ROBO1: variants seen among roughly 807,000 people sequenced by gnomAD.
The protein encoded by ROBO1 is roundabout homolog 1.
ROBO1 carries 149 observed loss-of-function variants against 195.9 expected under a neutral mutation model. The observed-to-expected ratio is 0.76, with a 90% CI of 0.67 to 0.87. The LOEUF (loss-of-function observed/expected upper bound fraction) is 0.87, where lower values mean the gene tolerates loss of function less well. Ranked by LOEUF, ROBO1 falls within the 40% of genes least tolerant of loss-of-function variation. The probability of loss-of-function intolerance (pLI) is 0.00; values close to 1 mark genes in which losing one functional copy is unlikely to be tolerated. For missense variants in ROBO1, 1,933 were observed against 2,068.3 expected (o/e 0.93, Z 1.27); for synonymous variants, 816 against 733.2 (o/e 1.11, Z -1.82).
chr3:79,753,377 T>TAAA (rs1704224769), intron 1 of ROBO1, among the ~76,000 whole-genome samples: 1 of 152,126 alleles, frequency 6.6e-6, no homozygotes. Context: ...AGAAGTCTTT[T>TAAA]AATGTTAAGA....
chr3:78,927,047 A>G (rs1299390796), intron 4 of ROBO1, among the ~76,000 whole-genome samples: 2 of 152,230 alleles, frequency 1.3e-5, no homozygotes, highest in Non-Finnish European at 2.9e-5. Context: ...CCATTATAAA[A>G]AGCAAAGTTT....
At chr3:79,074,443 G>C (rs1254431827) in intron 3 of ROBO1, among the ~76,000 whole-genome samples, 1 of 151,844 alleles carries the variant, frequency 6.6e-6, no homozygotes, top group East Asian at 1.9e-4. Flanking sequence ...GTTTGTTTTT[G>C]AGATGGGGTT....
At chr3:79,364,127 C>T (rs2035872979) in intron 2 of ROBO1, among the ~76,000 whole-genome samples, 1 of 151,772 alleles carries the variant, frequency 6.6e-6, no homozygotes, top group Admixed American at 6.6e-5. Flanking sequence ...TGGCGTGAAC[C>T]CGGGAGGCGG....
At chr3:79,687,386 A>T (rs1057288168) in intron 1 of ROBO1, among the ~76,000 whole-genome samples, 3 of 152,176 alleles carry the variant, frequency 2.0e-5, no homozygotes, top group African/African-American at 7.2e-5. Context: ...ATCTAATTAA[A>T]CTAAAGAACG....
At chr3:79,435,449 G>C (rs1202429560) in intron 2 of ROBO1, among the ~76,000 whole-genome samples, 1 of 152,060 alleles carries the variant, frequency 6.6e-6, no homozygotes, top group Non-Finnish European at 1.5e-5. Context: ...AATCTGCACT[G>C]TATGCACGTT....
At chr3:78,846,681 G>A (rs1442198909) in intron 4 of ROBO1, among the ~76,000 whole-genome samples, 2 of 151,814 alleles carry the variant, frequency 1.3e-5, no homozygotes, top group Non-Finnish European at 2.9e-5. Flanking sequence ...TTTATAATTG[G>A]TCTATATAGA....
intron 1 of ROBO1, among the ~76,000 whole-genome samples, chr3:79,715,524 C>G (rs995291361): frequency 2.6e-5 from 4 of 152,068 alleles, no homozygotes; most frequent in Non-Finnish European, 5.9e-5. Context: ...AGAAATAATG[C>G]TCTTGCACAT....
chr3:79,441,967 T>C (rs1269160686), intron 2 of ROBO1, among the ~76,000 whole-genome samples: 1 of 152,066 alleles, frequency 6.6e-6, no homozygotes, highest in Non-Finnish European at 1.5e-5. Flanking sequence ...AAGTAAGTTA[T>C]ATTGATTTCT....
intron 1 of ROBO1, among the ~76,000 whole-genome samples, chr3:79,748,042 C>CA (rs942193076): frequency 4.7e-4 from 70 of 148,468 alleles, no homozygotes; most frequent in African/African-American, 9.6e-4. Flanking sequence ...GTTCAGTAAC[C>CA]AAAAAAAAAT....
intron 8 of ROBO1, among the ~76,000 whole-genome samples, chr3:78,707,593 C>T (rs932807699): frequency 6.6e-6 from 1 of 152,130 alleles, no homozygotes; most frequent in African/African-American, 2.4e-5. Flanking sequence ...ACTAGAGTGA[C>T]TTCACATCAA....
intron 2 of ROBO1, among the ~76,000 whole-genome samples, chr3:79,297,917 A>T (rs1344887482): frequency 1.3e-5 from 2 of 152,162 alleles, no homozygotes; most frequent in Non-Finnish European, 2.9e-5. Context: ...GAATGCAACT[A>T]GCAATGAAGA....
At chr3:78,927,728 C>CA (rs1261141261) in intron 4 of ROBO1, among the ~76,000 whole-genome samples, 1 of 152,154 alleles carries the variant, frequency 6.6e-6, no homozygotes, top group African/African-American at 2.4e-5. Flanking sequence ...TCATAAAACA[C>CA]AGACCATGTA....
intron 27 of ROBO1, among the ~76,000 whole-genome samples, chr3:78,616,005 C>A (rs1342162094): frequency 6.6e-6 from 1 of 152,142 alleles, no homozygotes; most frequent in Non-Finnish European, 1.5e-5. Flanking sequence ...ACCAACCTCT[C>A]TTTAGCTATG....
intron 1 of ROBO1, among the ~76,000 whole-genome samples, chr3:79,668,338 TG>T (rs1946530682): frequency 6.6e-6 from 1 of 151,350 alleles, no homozygotes; most frequent in Non-Finnish European, 1.5e-5. Flanking sequence ...TAAAACATGG[TG>T]TTTTTTTTTG....
chr3:79,523,513 T>G (rs749880124), intron 2 of ROBO1, among the ~76,000 whole-genome samples: 1 of 147,452 alleles, frequency 6.8e-6, no homozygotes, highest in Non-Finnish European at 1.5e-5. Context: ...GCTCTTGTTG[T>G]CCAGGCTTGA....
At chr3:79,483,388 A>G (rs1036457538) in intron 2 of ROBO1, among the ~76,000 whole-genome samples, 8 of 152,196 alleles carry the variant, frequency 5.3e-5, no homozygotes, top group East Asian at 1.9e-4. Context: ...GGAAAAGCTG[A>G]AGATTTTAGT....
intron 2 of ROBO1, among the ~76,000 whole-genome samples, chr3:79,254,309 T>TA (rs1480239784): frequency 3.9e-5 from 6 of 152,174 alleles, no homozygotes; most frequent in African/African-American, 1.4e-4. Flanking sequence ...AATAGGAACT[T>TA]ACGTGTCTCT....
At chr3:79,072,228 A>C (rs1002689373) in intron 3 of ROBO1, among the ~76,000 whole-genome samples, 1 of 151,876 alleles carries the variant, frequency 6.6e-6, no homozygotes. Context: ...ACACTATGAC[A>C]TGATTTTGTT....
At chr3:78,962,502 C>T (rs1560054391) in intron 3 of ROBO1, among the ~76,000 whole-genome samples, 1 of 120,830 alleles carries the variant, frequency 8.3e-6, no homozygotes, top group Non-Finnish European at 1.7e-5. Context: ...CTGGTACTGT[C>T]AGAGAACACT....
Sources: gnomAD v4.1 joint callset for allele counts (sites outside exome capture counted in the v4.1 genomes callset) on GRCh38, gnomAD v4.1.1 for gene constraint, MANE v1.5 for transcripts, NCBI Gene and HGNC (gene_info 2026-07-23, HGNC 2026-07-21) for gene names.